Variants in ERC2 observed in about 807,000 individuals in gnomAD.
The protein encoded by ERC2 is ERC protein 2.
Under a neutral mutation model 114.8 loss-of-function variants are expected in ERC2, and 42 were observed. That is an observed-to-expected ratio of 0.37 (90% confidence interval 0.29 to 0.47). The LOEUF (loss-of-function observed/expected upper bound fraction) is 0.47. Ranked by LOEUF, ERC2 falls within the 20% of genes least tolerant of loss-of-function variation. The probability of loss-of-function intolerance (pLI) is 0.99; values close to 1 mark genes in which losing one functional copy is unlikely to be tolerated. For synonymous variants in ERC2, 454 were observed against 425.5 expected, an observed-to-expected ratio of 1.07 and a Z score of -0.82; for missense variants, 939 against 1,150.7, an observed-to-expected ratio of 0.82 and a Z score of 2.66.
chr3:55,859,619 C>A (rs1243579444), intron 14 of ERC2, among the ~76,000 whole-genome samples: 1 of 152,000 alleles, frequency 6.6e-6, no homozygotes, highest in Non-Finnish European at 1.5e-5. Context: ...TCTTGCTTGG[C>A]TGGATGTCAT....
rs79357387 is a variant in ERC2 at position 56,100,100 on chromosome 3, G to T, written c.1474-19116C>A. Among the ~76,000 whole-genome samples, 768 of 152,222 alleles carry T rather than the reference G, an allele frequency of 5.0e-3. 7 individuals are homozygous for T. The highest frequency in any genetic ancestry group is 0.017 in the African/African-American group (725 of 41,556). ...CTCTGAGAAGTCCAGTTTAACTTTG[G>T]TTAATCAGCATTTCCCAAACCTATT... On this transcript the variant is annotated intron_variant, in intron 6 of 17. Transcript: ENST00000288221.
At chr3:56,115,238 T>A (rs2079162444) in intron 6 of ERC2, among the ~76,000 whole-genome samples, 1 of 152,180 alleles carries the variant, frequency 6.6e-6, no homozygotes, top group Admixed American at 6.5e-5. Context: ...GTAGGCAAGA[T>A]AAACCCATTG....
chr3:55,930,173 A>T (rs1276254323), intron 13 of ERC2, among the ~76,000 whole-genome samples: 1 of 152,212 alleles, frequency 6.6e-6, no homozygotes, highest in Non-Finnish European at 1.5e-5. Flanking sequence ...TGGGAGGCAG[A>T]GGACGCAGTG....
intron 6 of ERC2, among the ~76,000 whole-genome samples, chr3:56,137,797 G>A (rs2080600303): frequency 6.6e-6 from 1 of 152,170 alleles, no homozygotes. Flanking sequence ...GTAACTGTTA[G>A]TACTTGATAT....
chr3:55,638,490 G>A (rs2060045708), intron 17 of ERC2, among the ~76,000 whole-genome samples: 1 of 152,144 alleles, frequency 6.6e-6, no homozygotes. Context: ...TCCTTCCTGA[G>A]CTAATGGTGG....
At chr3:56,125,659 C>T (rs2079825127) in intron 6 of ERC2, among the ~76,000 whole-genome samples, 1 of 152,226 alleles carries the variant, frequency 6.6e-6, no homozygotes, top group African/African-American at 2.4e-5. Context: ...AGGTCTTTTA[C>T]ATCCAAATTA....
chr3:56,189,911 G>A (rs542339547), intron 3 of ERC2, among the ~76,000 whole-genome samples: 1 of 152,314 alleles, frequency 6.6e-6, no homozygotes, highest in Non-Finnish European at 1.5e-5. Flanking sequence ...ATTAAAATTA[G>A]AGGAAAACTG....
chr3:55,610,986 T>C (rs532160796), intron 17 of ERC2: 5 of 152,288 alleles, frequency 3.3e-5, no homozygotes, highest in Middle Eastern at 3.4e-3. Context: ...GCTAAAAATG[T>C]GGAAGAGGTT....
At chr3:55,733,793 C>T (rs761629746) in intron 15 of ERC2, among the ~76,000 whole-genome samples, 2 of 152,238 alleles carry the variant, frequency 1.3e-5, no homozygotes, top group African/African-American at 2.4e-5. Flanking sequence ...AGAGCCTGCC[C>T]CAGGGGCTGA....
intron 17 of ERC2, among the ~76,000 whole-genome samples, chr3:55,586,607 T>C (rs940341717): frequency 2.6e-5 from 4 of 152,242 alleles, no homozygotes; most frequent in Non-Finnish European, 5.9e-5. Context: ...GCCTTTTAAC[T>C]TAAAAATCTA....
At chr3:56,176,131 G>A (rs770579840) in intron 3 of ERC2, among the ~76,000 whole-genome samples, 3 of 152,184 alleles carry the variant, frequency 2.0e-5, no homozygotes, top group Non-Finnish European at 4.4e-5. Flanking sequence ...CTTAGTAAGT[G>A]TTAGAAGAAA....
At chr3:56,091,215 GA>G (rs1272829185) in intron 6 of ERC2, among the ~76,000 whole-genome samples, 2 of 152,134 alleles carry the variant, frequency 1.3e-5, no homozygotes, top group African/African-American at 4.8e-5. Context: ...AGGTGGTGGA[GA>G]GGGGGCACGT....
At chr3:56,041,919 T>C (rs1046597327) in intron 7 of ERC2, among the ~76,000 whole-genome samples, 6 of 152,362 alleles carry the variant, frequency 3.9e-5, no homozygotes, top group African/African-American at 1.2e-4. Context: ...AGCCACTAAA[T>C]ACTTTTTAAA....
At chr3:55,639,779 T>C (rs909842546) in intron 17 of ERC2, among the ~76,000 whole-genome samples, 1 of 152,216 alleles carries the variant, frequency 6.6e-6, no homozygotes, top group African/African-American at 2.4e-5. Context: ...TATGTGTGCG[T>C]GTGGGCACAC....
At chr3:56,394,097 C>T (rs1296970700) in intron 2 of ERC2, among the ~76,000 whole-genome samples, 3 of 152,164 alleles carry the variant, frequency 2.0e-5, no homozygotes, top group African/African-American at 7.2e-5. Flanking sequence ...GATGAACTTG[C>T]TTGTCCAAGG....
intron 3 of ERC2, among the ~76,000 whole-genome samples, chr3:56,175,827 TGA>T (rs1481658032): frequency 6.6e-6 from 1 of 152,210 alleles, no homozygotes; most frequent in Non-Finnish European, 1.5e-5. Flanking sequence ...TAGGAAATTA[TGA>T]GTTTTTAATA....
chr3:56,157,858 G>C (rs2081822686), intron 4 of ERC2, among the ~76,000 whole-genome samples: 1 of 152,144 alleles, frequency 6.6e-6, no homozygotes, highest in Non-Finnish European at 1.5e-5. Flanking sequence ...GCATGTGATG[G>C]TTGGTATGCT....
intron 14 of ERC2, among the ~76,000 whole-genome samples, chr3:55,764,968 T>A (rs1559618292): frequency 6.6e-6 from 1 of 152,180 alleles, no homozygotes. Context: ...GCTGCCAAAT[T>A]ATACAGCTCT....
In ERC2 at chr3:56,023,741, CAT is replaced by C. The variant is rs1491552792; in HGVS notation, c.1642-4712_1642-4711del. On this transcript the variant is annotated intron_variant, in intron 7 of 17. Coordinates refer to ENST00000288221, the MANE Select transcript of ERC2 (RefSeq NM_015576.3). ...GCACCCAATTGTTGGCAACACCCCA[CAT>C]ATTAGCTTACTGAATGAATGAAAAA... Among the ~76,000 whole-genome samples the C allele has an allele frequency of 5.3e-5, 4 of 75,450 alleles. No homozygotes were observed. In the Admixed American group the frequency reaches 6.9e-4, roughly 13 times the overall value. 49.5% of individuals were successfully genotyped at this position (75,450 alleles called of 152,430 possible).
Sources: allele counts gnomAD v4.1 joint callset (sites outside exome capture counted in the v4.1 genomes callset), GRCh38; gene constraint gnomAD v4.1.1; transcripts MANE v1.5; gene names NCBI Gene and HGNC (gene_info 2026-07-23, HGNC 2026-07-21).